IGBP1: variants seen among roughly 807,000 people sequenced by gnomAD.
IGBP1 encodes the protein immunoglobulin-binding protein 1.
IGBP1 carries 2 observed loss-of-function variants against 25.9 expected under a neutral mutation model. The ratio of observed to expected loss-of-function variants is 0.08; its 90% confidence interval spans 0.03 to 0.24. The LOEUF (loss-of-function observed/expected upper bound fraction) is 0.24, where lower values mean the gene tolerates loss of function less well. Ranked by LOEUF, IGBP1 falls within the 10% of genes least tolerant of loss-of-function variation. IGBP1 has a pLI of 1.00. For missense variants in IGBP1, 187 were observed against 260.4 expected (o/e 0.72, Z 1.94); for synonymous variants, 96 against 93.4 (o/e 1.03, Z -0.16).
At chrX:70,162,015 A>G (rs1439932800) in intron 6 of IGBP1, among the ~76,000 whole-genome samples, 1 of 112,170 alleles carries the variant, frequency 8.9e-6, no homozygotes, top group Non-Finnish European at 1.9e-5. Flanking sequence ...AATCTCCCCT[A>G]CAGAAAAATT....
chrX:70,157,159 G>T (rs2085246270), intron 6 of IGBP1, among the ~76,000 whole-genome samples: 1 of 110,072 alleles, frequency 9.1e-6, no homozygotes, highest in Admixed American at 9.8e-5. Context: ...CAGAATTTAT[G>T]GGATACAACT....
chrX:70,145,655 CTT>C (rs372796249), intron 3 of IGBP1, among the ~76,000 whole-genome samples: 1,392 of 111,736 alleles, frequency 0.012, 16 homozygotes, highest in African/African-American at 0.043. Context: ...TTCTATCACT[CTT>C]TTTTATCTCA....
intron 6 of IGBP1, among the ~76,000 whole-genome samples, chrX:70,165,455 T>G (rs767686475): frequency 1.0e-4 from 11 of 110,541 alleles, no homozygotes; most frequent in Non-Finnish European, 1.7e-4. Flanking sequence ...CATAAATATT[T>G]TTTCTTTCCT....
At chrX:70,147,694 G>A (rs1377440083) in intron 4 of IGBP1, among the ~76,000 whole-genome samples, 1 of 112,151 alleles carries the variant, frequency 8.9e-6, no homozygotes, top group African/African-American at 3.2e-5. Context: ...TGGTGTAACA[G>A]CTTTGGCTAT....
chrX:70,141,219 C>T (rs1045510064), intron 3 of IGBP1, among the ~76,000 whole-genome samples: 3 of 110,200 alleles, frequency 2.7e-5, no homozygotes, highest in African/African-American at 9.9e-5. Flanking sequence ...TGGTGGTAGG[C>T]ACCTGTAATC....
intron 6 of IGBP1, among the ~76,000 whole-genome samples, chrX:70,153,221 A>G (rs900969721): frequency 8.9e-6 from 1 of 112,233 alleles, no homozygotes; most frequent in Non-Finnish European, 1.9e-5. Flanking sequence ...AAAAATATCC[A>G]TAAAATGAAG....
rs1472807487 is a variant in IGBP1, at chrX:70,166,081, A to G, written c.*100A>G. 2.3e-5 allele frequency: 19 copies of G among 834,833 alleles called. No individual in the cohort carries two copies. The highest frequency in any genetic ancestry group is 6.9e-6 in the Non-Finnish European group (4 of 580,294). The allele number at this position is 834,833 out of a possible 1,213,427, so 68.8% of individuals were successfully genotyped here. A position where few individuals can be genotyped will look rare whatever the true frequency, so the allele number is the denominator to read the frequency against. On this transcript the variant is annotated 3_prime_UTR_variant, in exon 7 of 7. Coordinates refer to ENST00000356413, the MANE Select transcript of IGBP1 (RefSeq NM_001551.3). ...TGGTCTCCTGCTTCAGCTCTGTACA[A>G]CGAGGGCAAAGATGCTAAATCTTGC...
intron 6 of IGBP1, among the ~76,000 whole-genome samples, chrX:70,155,245 C>T (rs980733869): frequency 9.0e-6 from 1 of 111,718 alleles, no homozygotes; most frequent in African/African-American, 3.3e-5. Flanking sequence ...GCCTGTAATC[C>T]CAACACTTTG....
chrX:70,133,560 G>A lies in IGBP1; in HGVS notation c.-226+20G>A. 1 of 372,555 alleles carries A rather than the reference G, an allele frequency of 2.7e-6. No individual in the cohort carries two copies. The highest frequency in any genetic ancestry group is 4.6e-6 in the Non-Finnish European group (1 of 217,023). The allele number at this position is 372,555 out of a possible 1,213,427, so 30.7% of individuals were successfully genotyped here. ...CGCGAGGTAAGGGGCGCGCCAGACTGGCTCCTAAAACGCACTCGCTCGTCC... is the reference window on the plus strand; with the variant it reads ...CGCGAGGTAAGGGGCGCGCCAGACTAGCTCCTAAAACGCACTCGCTCGTCC... On this transcript the variant is annotated intron_variant, in intron 1 of 6. Coordinates refer to ENST00000356413, the MANE Select transcript of IGBP1 (RefSeq NM_001551.3).
Position 70,140,092 on chromosome X carries a change from A to G in IGBP1, c.482+5276A>G, listed in dbSNP as rs1364630363. Among the ~76,000 whole-genome samples the G allele has an allele frequency of 4.4e-5, 5 of 112,514 alleles. No individual in the cohort carries two copies. The East Asian group carries it at 1.4e-3, about 31-fold the overall frequency. On this transcript the variant is annotated intron_variant, in intron 3 of 6. Transcript: ENST00000356413. ...CAGTCTCTTTAAGTAGTTAACAACT[A>G]TTATTCTCTCTTTGCTTCATGTTTG...
chrX:70,138,467 C>A (rs1016394632), intron 3 of IGBP1, among the ~76,000 whole-genome samples: 1 of 73,697 alleles, frequency 1.4e-5, no homozygotes, highest in Non-Finnish European at 2.4e-5. Flanking sequence ...GGTGACAGAG[C>A]GAGACCCTGT....
Position 70,133,944 on chromosome X carries a change from C to T in IGBP1, c.-4C>T, listed in dbSNP as rs374237929. The stretch of plus-strand genomic sequence containing the variant: ...GAGATCTTCCGGGTTCCTCTCTCCC[C>T]AAGATGGCTGCTGAGGACGAGTTAC... On this transcript the variant is annotated 5_prime_UTR_variant, in exon 2 of 7. It introduces an in-frame stop codon into an upstream open reading frame of the 5' UTR. Coordinates refer to ENST00000356413, the MANE Select transcript of IGBP1 (RefSeq NM_001551.3). 4.1e-6 allele frequency: 5 copies of T among 1,209,968 alleles called. No individual in the cohort carries two copies. Among genetic ancestry groups the T allele is most frequent in the Non-Finnish European group, 4.5e-6 (4 of 893,985 alleles).
chrX:70,139,949 C>G (rs1315094396), intron 3 of IGBP1, among the ~76,000 whole-genome samples: 1 of 112,201 alleles, frequency 8.9e-6, no homozygotes, highest in East Asian at 2.8e-4. Flanking sequence ...AGACCCAGCT[C>G]TGTCCCTCTA....
chrX:70,133,940 T>C lies in IGBP1; in HGVS notation c.-8T>C. ...AAAAGAGATCTTCCGGGTTCCTCTC[T>C]CCCCAAGATGGCTGCTGAGGACGAG... is the stretch of plus-strand genomic sequence containing the variant. On this transcript the variant is annotated 5_prime_UTR_variant, in exon 2 of 7. Coordinates refer to ENST00000356413, the MANE Select transcript of IGBP1 (RefSeq NM_001551.3). 1 of 1,209,129 alleles carries C rather than the reference T, an allele frequency of 8.3e-7. No homozygotes were observed. The highest frequency in any genetic ancestry group is 1.1e-6 in the Non-Finnish European group (1 of 893,522).
intron 6 of IGBP1, among the ~76,000 whole-genome samples, chrX:70,152,673 C>G (rs367890986): frequency 2.0e-4 from 22 of 111,899 alleles, no homozygotes; most frequent in African/African-American, 6.5e-4. Context: ...AAACTATACA[C>G]ACAAATTCTG....
chrX:70,139,154 A>G (rs1210590863), intron 3 of IGBP1, among the ~76,000 whole-genome samples: 3 of 110,532 alleles, frequency 2.7e-5, no homozygotes, highest in Non-Finnish European at 5.7e-5. Context: ...TACTAAAAAT[A>G]CAAAAATTAG....
At chrX:70,137,844 C>A (rs2085105412) in intron 3 of IGBP1, among the ~76,000 whole-genome samples, 2 of 108,190 alleles carry the variant, frequency 1.8e-5, no homozygotes, top group Admixed American at 2.0e-4. Flanking sequence ...AACATAATGG[C>A]ATTTGACACC....
At chrX:70,152,332 G>C (rs1022799992) in intron 6 of IGBP1, among the ~76,000 whole-genome samples, 1 of 111,978 alleles carries the variant, frequency 8.9e-6, no homozygotes, top group African/African-American at 3.2e-5. Context: ...GATAGAATTT[G>C]GTATTTTGGT....
At chrX:70,157,595 TTAAAC>T (rs1440475424) in intron 6 of IGBP1, among the ~76,000 whole-genome samples, 1 of 112,702 alleles carries the variant, frequency 8.9e-6, no homozygotes, top group Non-Finnish European at 1.9e-5. Flanking sequence ...AGCAATAAGG[TTAAAC>T]TATAGTTTGT....
Sources: allele counts gnomAD v4.1 joint callset (sites outside exome capture counted in the v4.1 genomes callset), GRCh38; gene constraint gnomAD v4.1.1; transcripts MANE v1.5; gene names NCBI Gene and HGNC (gene_info 2026-07-23, HGNC 2026-07-21).